Variants in IGHMBP2 observed in about 807,000 individuals in gnomAD.
IGHMBP2 encodes immunoglobulin mu DNA binding protein 2, also known as DNA-binding protein SMUBP-2.
A neutral mutation model predicts 96.0 loss-of-function variants in IGHMBP2; 81 were observed. That is an observed-to-expected ratio of 0.84 (90% confidence interval 0.71 to 1.01). The LOEUF (loss-of-function observed/expected upper bound fraction) is 1.01, where lower values mean the gene tolerates loss of function less well. Among genes scored for constraint, IGHMBP2 ranks in the 50% least tolerant of loss-of-function variants. The pLI, the probability that IGHMBP2 is intolerant of heterozygous loss-of-function variation, is 0.00. For missense variants in IGHMBP2, 1,227 were observed against 1,306.3 expected, an observed-to-expected ratio of 0.94 and a Z score of 0.94; for synonymous variants, 557 against 548.9, an observed-to-expected ratio of 1.01 and a Z score of -0.21.
chr11:68,934,202 C>T (rs1859432057), intron 10 of IGHMBP2: 2 of 616,230 alleles, frequency 3.2e-6, no homozygotes, highest in South Asian at 3.7e-5. Context: ...GCTCAGCTGA[C>T]ACCACCATCT....
chr11:68,934,416 C>G (rs1335936586), intron 10 of IGHMBP2, 48 bp from the exon 11 acceptor site: 3 of 1,384,800 alleles, frequency 2.2e-6, no homozygotes, highest in Non-Finnish European at 3.0e-6. Context: ...GGTGGATGCC[C>G]ACTTGGGGCG....
chr11:68,939,904 G>T lies in IGHMBP2; in HGVS notation c.*173G>T. The T allele has an allele frequency of 1.5e-6, 1 of 663,236 alleles. No individual in the cohort carries two copies. Among genetic ancestry groups the T allele is most frequent in the South Asian group, 1.9e-5 (1 of 51,292 alleles). The allele number at this position is 663,236 out of a possible 1,614,324, so 41.1% of individuals were successfully genotyped here. On this transcript the variant is annotated 3_prime_UTR_variant, in exon 15 of 15. Transcript: ENST00000255078. Reference sequence around the variant, plus strand: ...TTGGACCCCAGGGATAAGCTTTTCCGATGTCACAATGTGGAGGAAAGCACC... The same window carrying T: ...TTGGACCCCAGGGATAAGCTTTTCCTATGTCACAATGTGGAGGAAAGCACC...
In IGHMBP2 at chr11:68,929,309, T is replaced by C. The variant is rs1405568739; in HGVS notation, c.1187T>C (p.Ile396Thr). ...CCCCTGCTGAAGGCCAGAAAGTGCA[T>C]CCTGGCGGGCGATCACAAGCAGCTG... Reference protein sequence around the residue: ...WIPLLKARKCILAGDHKQLPP... With the variant: ...WIPLLKARKCTLAGDHKQLPP... Residue 396 changes from isoleucine to threonine, a missense_variant, in exon 8 of 15, where the codon ATC (isoleucine) becomes ACC (threonine). By Grantham distance (89) the Ile-to-Thr change is moderately conservative. Coordinates refer to ENST00000255078, the MANE Select transcript of IGHMBP2 (RefSeq NM_002180.3). 1 of 1,613,596 alleles carries C rather than the reference T, an allele frequency of 6.2e-7. No individual in the cohort carries two copies. Among genetic ancestry groups the C allele is most frequent in the East Asian group, 2.2e-5 (1 of 44,890 alleles).
Position 68,933,794 on chromosome 11 carries a change from G to T in IGHMBP2, c.1419-1G>T. On this transcript the variant is annotated splice_acceptor_variant, in intron 9 of 14. Coordinates refer to ENST00000255078, the MANE Select transcript of IGHMBP2 (RefSeq NM_002180.3). LOFTEE classifies it high-confidence loss of function. ...GTGCTCCCTCTCTGCCTGTGTGCCA[G>T]GGACCTCCCAGGTGTGGCTGCCACA... The T allele has an allele frequency of 1.2e-6, 2 of 1,611,084 alleles. No homozygotes were observed. Among genetic ancestry groups the T allele is most frequent in the South Asian group, 1.1e-5 (1 of 90,710 alleles).
At position 68,940,039 on chromosome 11, in the gene IGHMBP2, TC is replaced by T. The variant is rs912051281; in HGVS notation, c.*311del. ...CTCTGGATCCTGGGGAAGGTTCCAGTCCCTGGAGAATACCCAGGGCCTCAAA... is the reference window on the plus strand; with the variant it reads ...CTCTGGATCCTGGGGAAGGTTCCAGTCCTGGAGAATACCCAGGGCCTCAAA... On this transcript the variant is annotated 3_prime_UTR_variant, in exon 15 of 15. Transcript: ENST00000255078. The T allele has an allele frequency of 4.8e-6, 2 of 419,756 alleles. No homozygotes were observed. Among genetic ancestry groups the T allele is most frequent in the Middle Eastern group, 6.5e-4 (1 of 1,538 alleles). 26.0% of individuals were successfully genotyped at this position (419,756 alleles called of 1,614,324 possible).
Position 68,917,798 on chromosome 11 carries a change from G to A in IGHMBP2, c.975G>A (p.Leu325=), listed in dbSNP as rs753837962. The A allele has an allele frequency of 6.2e-7, 1 of 1,613,600 alleles. No individual in the cohort carries two copies. Among genetic ancestry groups the A allele is most frequent in the South Asian group, 1.1e-5 (1 of 91,086 alleles). Residue 325 remains leucine, a synonymous_variant, in exon 7 of 15, where the codon CTG becomes CTA. Transcript: ENST00000255078. ...GTAATTTTCGAAATGAAATTAAGCT[G>A]TTAAGAAAAGAACTGAAGGAGAGGG... ...EKSNFRNEIK[L]LRKELKEREE...
intron 5 of IGHMBP2, among the ~76,000 whole-genome samples, chr11:68,911,932 C>T (rs576195960): frequency 6.6e-6 from 1 of 152,342 alleles, no homozygotes; most frequent in African/African-American, 2.4e-5. Context: ...GTGTGCACGC[C>T]CGTGCAGGGG....
In IGHMBP2 at chr11:68,911,434, C is replaced by T. The variant is rs1302270519; in HGVS notation, c.548-6C>T. ...CCTGAGCCTCACGCTGCTGCTTCTT[C>T]CACAGACCCGCTGACATTCTTCAAC... On this transcript the variant is annotated splice_polypyrimidine_tract_variant and splice_region_variant and intron_variant, in intron 4 of 14. Transcript: ENST00000255078. 6.2e-7 allele frequency: 1 copy of T among 1,613,382 alleles called. No homozygotes were observed. The highest frequency in any genetic ancestry group is 1.3e-5 in the African/African-American group (1 of 74,920).
chr11:68,933,403 C>G lies in IGHMBP2; in HGVS notation c.1340C>G (p.Ala447Gly), dbSNP rs144240271. The change falls in exon 9 of 15, where the codon GCT (alanine) becomes GGT (glycine). Residue 447 changes from alanine (A) to glycine (G), a missense_variant. Physicochemically the swap from Ala to Gly is moderately conservative, Grantham distance 60. Coordinates refer to ENST00000255078, the MANE Select transcript of IGHMBP2 (RefSeq NM_002180.3). ...ACGGTGCAGTACCGCATGCACCAGG[C>G]TATCATGCGCTGGGCCTCAGACACC... ...TLTVQYRMHQ[A>G]IMRWASDTMY... 3.7e-5 allele frequency: 59 copies of G among 1,613,036 alleles called. No individual in the cohort carries two copies. Among genetic ancestry groups the G allele is most frequent in the Non-Finnish European group, 4.9e-5 (58 of 1,179,838 alleles).
rs1441474485 is a variant in IGHMBP2, at chr11:68,907,500, C to G, written c.257-645C>G. Among the ~76,000 whole-genome samples, 4 of 152,140 alleles carry G rather than the reference C, an allele frequency of 2.6e-5. No homozygotes were observed. In the East Asian group the frequency reaches 7.7e-4, roughly 29 times the overall value. On this transcript the variant is annotated intron_variant, in intron 2 of 14. Coordinates refer to ENST00000255078, the MANE Select transcript of IGHMBP2 (RefSeq NM_002180.3). ...TGTTAGACAACCACAGCCTTGGAAG[C>G]CTGGAGGAAGCAGCGTTGCCAGGGC...
intron 1 of IGHMBP2, 142 bp downstream of exon 1, chr11:68,904,180 C>T: frequency 2.7e-6 from 2 of 729,278 alleles, no homozygotes; most frequent in Non-Finnish European, 4.8e-6. Flanking sequence ...CGTCCGTCCC[C>T]TGCTTGGCCA....
chr11:68,933,603 C>A, intron 9 of IGHMBP2, 122 bp downstream of exon 9: 1 of 1,309,262 alleles, frequency 7.6e-7, no homozygotes, highest in Non-Finnish European at 1.1e-6. Context: ...CTGAGGCTAG[C>A]TTTTTGGAAG....
intron 2 of IGHMBP2, among the ~76,000 whole-genome samples, chr11:68,907,483 A>G (rs1396062322): frequency 1.3e-5 from 2 of 152,146 alleles, no homozygotes; most frequent in Non-Finnish European, 2.9e-5. Context: ...TGTGTTAGAC[A>G]ACCACAGCCT....
rs1186155853 is a variant in IGHMBP2 at position 68,911,620 on chromosome 11, A to G, written c.711+17A>G. On this transcript the variant is annotated intron_variant, in intron 5 of 14. Transcript: ENST00000255078. The stretch of plus-strand genomic sequence containing the variant: ...GGCTTAAAGGTGGGCAGTGCATGCC[A>G]CTTCCCTGTCAGAGCCCGTCCGCTC... 1.2e-6 allele frequency: 2 copies of G among 1,613,376 alleles called. No individual in the cohort carries two copies. The highest frequency in any genetic ancestry group is 1.3e-5 in the African/African-American group (1 of 75,006).
intron 11 of IGHMBP2, 119 bp downstream of exon 11, chr11:68,934,677 C>T (rs1859457102): frequency 3.8e-6 from 3 of 795,308 alleles, no homozygotes; most frequent in Non-Finnish European, 6.4e-6. Flanking sequence ...GTAGGGCTGA[C>T]CTTATTGTGA....
At chr11:68,935,232 T>C (rs1330111510) in intron 11 of IGHMBP2, 67 bp from the exon 12 acceptor site, 6 of 1,600,302 alleles carry the variant, frequency 3.7e-6, no homozygotes, top group Non-Finnish European at 5.1e-6. Flanking sequence ...TCTGCTGAGC[T>C]GAAGGGCAGG....
At chr11:68,926,232 T>C (rs911399640) in intron 7 of IGHMBP2, 1 of 151,950 alleles carries the variant, frequency 6.6e-6, no homozygotes, top group African/African-American at 2.4e-5. Context: ...ATTTCAGTTA[T>C]TGTACTTTTC....
chr11:68,918,796 C>T lies in IGHMBP2; in HGVS notation c.1060+913C>T, dbSNP rs147330727. ...GCTAGGATTACAGGTGGACCCACCG[C>T]GCCCGGCCTGGCTGCAGGTTTCAAT... On this transcript the variant is annotated intron_variant, in intron 7 of 14. Coordinates refer to ENST00000255078, the MANE Select transcript of IGHMBP2 (RefSeq NM_002180.3). Among the ~76,000 whole-genome samples the T allele has an allele frequency of 9.9e-3, 1,505 of 152,248 alleles. 15 individuals are homozygous for T. Among genetic ancestry groups the T allele is most frequent in the Non-Finnish European group, 0.012 (823 of 68,022 alleles).
Position 68,933,854 on chromosome 11 carries a change from C to G in IGHMBP2, c.1478C>G (p.Thr493Ser). The G allele has an allele frequency of 1.2e-6, 2 of 1,608,540 alleles. No homozygotes were observed. Among genetic ancestry groups the G allele is most frequent in the Non-Finnish European group, 1.7e-6 (2 of 1,177,472 alleles). ...GGTGTGCCCCTGCTCTTGGTGGACA[C>G]CGCCGGCTGCGGGCTGTTTGAGCTG... is the stretch of plus-strand genomic sequence containing the variant. ...ETGVPLLLVD[T>S]AGCGLFELEE... is the part of the protein sequence containing the mutation. Residue 493 changes from threonine (T) to serine (S), a missense_variant, in exon 10 of 15, where the codon ACC becomes AGC. Thr to Ser is a moderately conservative substitution (Grantham distance 58). Transcript: ENST00000255078.
Sources: gnomAD v4.1 joint callset for allele counts (sites outside exome capture counted in the v4.1 genomes callset) on GRCh38, gnomAD v4.1.1 for gene constraint, MANE v1.5 for transcripts, NCBI Gene and HGNC (gene_info 2026-07-23, HGNC 2026-07-21) for gene names.